PHC3: variants seen among roughly 807,000 people sequenced by gnomAD.
PHC3 encodes polyhomeotic homolog 3, also known as polyhomeotic-like protein 3.
A neutral mutation model predicts 107.4 loss-of-function variants in PHC3; 13 were observed. The ratio of observed to expected loss-of-function variants is 0.12; its 90% CI spans 0.08 to 0.19. The LOEUF is 0.19. PHC3 is among the 10% of genes least tolerant of loss of function. The probability of loss-of-function intolerance (pLI) is 1.00; values close to 1 mark genes in which losing one functional copy is unlikely to be tolerated. For missense variants in PHC3, 992 were observed against 1,210.9 expected (o/e 0.82, Z 2.68); for synonymous variants, 456 against 427.4 (o/e 1.07, Z -0.83).
At chr3:170,157,312 T>C (rs1727044596) in intron 4 of PHC3, among the ~76,000 whole-genome samples, 2 of 152,198 alleles carry the variant, frequency 1.3e-5, no homozygotes, top group Admixed American at 6.5e-5. Context: ...CTCTATGACA[T>C]ATATGTCCAT....
intron 9 of PHC3, among the ~76,000 whole-genome samples, chr3:170,118,899 A>G (rs1483880491): frequency 1.3e-5 from 2 of 152,140 alleles, no homozygotes; most frequent in East Asian, 1.9e-4. Flanking sequence ...CTCAAAGTGC[A>G]GGTATAAGCC....
chr3:170,134,672 T>C (rs1163379653), intron 7 of PHC3, among the ~76,000 whole-genome samples: 1 of 152,098 alleles, frequency 6.6e-6, no homozygotes, highest in Admixed American at 6.5e-5. Flanking sequence ...CTACCTAACA[T>C]ACGTAAGTAC....
intron 6 of PHC3, among the ~76,000 whole-genome samples, chr3:170,143,098 G>T (rs901515938): frequency 4.6e-5 from 7 of 152,130 alleles, no homozygotes; most frequent in Admixed American, 3.3e-4. Flanking sequence ...GATGGCTTGA[G>T]CCCAGGGAGG....
intron 11 of PHC3, among the ~76,000 whole-genome samples, chr3:170,111,372 G>A (rs1296924807): frequency 7.4e-6 from 1 of 135,934 alleles, no homozygotes; most frequent in East Asian, 2.1e-4. Flanking sequence ...GAAGGAAAAA[G>A]AAAGAAAGAG....
At chr3:170,174,879 T>C (rs1218886782) in intron 2 of PHC3, among the ~76,000 whole-genome samples, 2 of 152,236 alleles carry the variant, frequency 1.3e-5, no homozygotes, top group Non-Finnish European at 2.9e-5. Flanking sequence ...GATCAATCTC[T>C]ATTTGTTCTT....
At chr3:170,150,057 T>C (rs907542165) in intron 4 of PHC3, 2 of 152,230 alleles carry the variant, frequency 1.3e-5, no homozygotes, top group African/African-American at 4.8e-5. Context: ...TATACATGTA[T>C]TCAAATATCA....
intron 11 of PHC3, among the ~76,000 whole-genome samples, chr3:170,112,323 G>A (rs1717962232): frequency 6.6e-6 from 1 of 151,504 alleles, no homozygotes; most frequent in South Asian, 2.1e-4. Flanking sequence ...CGATTCTCCT[G>A]CCTCAGCCTC....
intron 5 of PHC3, chr3:170,147,887 A>G (rs1725256615): frequency 6.6e-6 from 1 of 152,256 alleles, no homozygotes; most frequent in Non-Finnish European, 1.5e-5. Context: ...GTTCAAAAAT[A>G]GCCAAATAGC....
chr3:170,122,828 A>G (rs1021743297), intron 8 of PHC3, 84 bp from the exon 9 acceptor site: 4 of 1,467,284 alleles, frequency 2.7e-6, no homozygotes, highest in East Asian at 4.7e-5. Context: ...ATTAAATTCT[A>G]TGTGTATTAA....
intron 10 of PHC3, among the ~76,000 whole-genome samples, chr3:170,114,543 T>C (rs1718526862): frequency 6.6e-6 from 1 of 152,194 alleles, no homozygotes; most frequent in Non-Finnish European, 1.5e-5. Context: ...GTCTCCTGAA[T>C]CCTAGTTTAG....
intron 4 of PHC3, among the ~76,000 whole-genome samples, chr3:170,166,014 G>A (rs1577241338): frequency 6.8e-6 from 1 of 147,708 alleles, no homozygotes. Flanking sequence ...CAAAGAAACA[G>A]AATATATAAA....
In PHC3 at chr3:170,094,809, C is replaced by G. The variant is rs1714466782; in HGVS notation, c.*2421G>C. On this transcript the variant is annotated 3_prime_UTR_variant, in exon 15 of 15. Transcript: ENST00000495893. The stretch of plus-strand genomic sequence containing the variant: ...ATACGGTATTCTCCAATAGAAAACC[C>G]TCTTGTAAGCCCCTCCTGAATACTT... The G allele has an allele frequency of 6.6e-6, 1 of 152,094 alleles. No individual in the cohort carries two copies. Among genetic ancestry groups the G allele is most frequent in the African/African-American group, 2.4e-5 (1 of 41,420 alleles). 9.4% of individuals were successfully genotyped at this position (152,094 alleles called of 1,614,324 possible).
At chr3:170,118,511 A>G (rs1434108511) in intron 9 of PHC3, among the ~76,000 whole-genome samples, 1 of 152,204 alleles carries the variant, frequency 6.6e-6, no homozygotes, top group Non-Finnish European at 1.5e-5. Context: ...TCCCGGGTTC[A>G]TGCCATTCTC....
intron 6 of PHC3, among the ~76,000 whole-genome samples, chr3:170,140,966 G>A (rs1724001433): frequency 6.6e-6 from 1 of 152,006 alleles, no homozygotes; most frequent in Non-Finnish European, 1.5e-5. Flanking sequence ...GTGCCTGGTG[G>A]GGAGAAGGAA....
At chr3:170,175,284 C>G (rs1475528846) in intron 2 of PHC3, among the ~76,000 whole-genome samples, 2 of 152,032 alleles carry the variant, frequency 1.3e-5, no homozygotes, top group African/African-American at 4.8e-5. Context: ...ATCTACATAT[C>G]TTTCTATTAA....
At chr3:170,124,677 TAACA>T (rs925008509) in intron 8 of PHC3, among the ~76,000 whole-genome samples, 11 of 152,216 alleles carry the variant, frequency 7.2e-5, no homozygotes, top group Non-Finnish European at 7.3e-5. Flanking sequence ...CCACAAATGT[TAACA>T]AACAAACTTT....
At chr3:170,172,521 A>G in intron 3 of PHC3, 36 bp downstream of exon 3, 1 of 1,594,674 alleles carries the variant, frequency 6.3e-7, no homozygotes, top group Non-Finnish European at 8.5e-7. Context: ...CAGATAACAG[A>G]AACTTTGATC....
chr3:170,128,602 T>G lies in PHC3; in HGVS notation c.1788+82A>C, dbSNP rs548365468. ...CTTTTTTAGTTCACAGGCATTTAGA[T>G]CTTGCAATAAAACATAGTGTGGGAA... On this transcript the variant is annotated intron_variant, in intron 8 of 14. Coordinates refer to ENST00000495893, the MANE Select transcript of PHC3 (RefSeq NM_024947.4). 249 of 1,465,274 alleles carry G rather than the reference T, an allele frequency of 1.7e-4. 2 individuals are homozygous for G. The South Asian group carries it at 3.3e-3, about 20-fold the overall frequency. The allele number at this position is 1,465,274 out of a possible 1,614,324, so 90.8% of individuals were successfully genotyped here.
chr3:170,136,820 A>G, intron 6 of PHC3, 155 bp from the exon 7 acceptor site: 7 of 767,972 alleles, frequency 9.1e-6, no homozygotes. Flanking sequence ...TCCTTAAGGA[A>G]AGGAGAGTTA....
Sources: gnomAD v4.1 joint callset for allele counts (sites outside exome capture counted in the v4.1 genomes callset) on GRCh38, gnomAD v4.1.1 for gene constraint, MANE v1.5 for transcripts, NCBI Gene and HGNC (gene_info 2026-07-23, HGNC 2026-07-21) for gene names.